Variants in ATP8A2 observed in about 807,000 individuals in gnomAD.
ATP8A2 encodes ATPase phospholipid transporting 8A2, also known as phospholipid-transporting ATPase IB.
ATP8A2 carries 100 observed loss-of-function variants against 165.6 expected under a neutral mutation model. That is an observed-to-expected ratio of 0.60 (90% CI 0.51 to 0.71). ATP8A2 has a LOEUF of 0.71. Among genes scored for constraint, ATP8A2 ranks in the 30% least tolerant of loss-of-function variants. ATP8A2 has a pLI of 0.00. For synonymous variants in ATP8A2, 543 were observed against 548.8 expected (o/e 0.99, Z 0.15); for missense variants, 1,227 against 1,479.5 (o/e 0.83, Z 2.80).
At chr13:25,531,444 A>ATTATATATATGATTATATATATG (rs1566230706) in intron 4 of ATP8A2, among the ~76,000 whole-genome samples, 10 of 45,722 alleles carry the variant, frequency 2.2e-4, no homozygotes, top group African/African-American at 6.5e-4. Context: ...TATATATATG[A>ATTATATATATGATTATATATATG]TTATATATAT....
intron 1 of ATP8A2, among the ~76,000 whole-genome samples, chr13:25,389,611 A>G (rs1593241830): frequency 6.6e-6 from 1 of 152,230 alleles, no homozygotes; most frequent in Non-Finnish European, 1.5e-5. Flanking sequence ...ATCAAATTCA[A>G]CTTTGGATTG....
chr13:25,565,614 A>C (rs539615938), intron 16 of ATP8A2, among the ~76,000 whole-genome samples: 1 of 152,190 alleles, frequency 6.6e-6, no homozygotes, highest in Non-Finnish European at 1.5e-5. Context: ...AGTTTGTTGT[A>C]GTTTCTGGAT....
chr13:25,908,248 CGT>C (rs1460680826), intron 33 of ATP8A2, among the ~76,000 whole-genome samples: 2 of 152,024 alleles, frequency 1.3e-5, no homozygotes, highest in East Asian at 3.9e-4. Context: ...CAGTAGTTAC[CGT>C]AAGTCAGCAG....
At chr13:25,540,616 G>A (rs757834363) in intron 8 of ATP8A2, among the ~76,000 whole-genome samples, 10 of 152,194 alleles carry the variant, frequency 6.6e-5, no homozygotes, top group East Asian at 3.9e-4. Flanking sequence ...TTCATATAGC[G>A]TCTTATTGAG....
At chr13:25,791,521 G>A (rs1453729477) in intron 27 of ATP8A2, among the ~76,000 whole-genome samples, 2 of 127,444 alleles carry the variant, frequency 1.6e-5, no homozygotes, top group Non-Finnish European at 3.2e-5. Context: ...ATGTATCCCC[G>A]AACTTAAACA....
intron 24 of ATP8A2, among the ~76,000 whole-genome samples, chr13:25,688,471 T>C (rs1170250544): frequency 3.9e-5 from 6 of 152,218 alleles, no homozygotes; most frequent in Non-Finnish European, 4.4e-5. Context: ...AAATGAGATG[T>C]TTTCTACATT....
rs990198584 is a variant in ATP8A2 at position 25,987,060 on chromosome 13, A to G, written c.3377+18381A>G. ...ATAATATGTAAATAATTAATTTTAA[A>G]CATTCAGCTCATTCTTTAAAAAACT... On this transcript the variant is annotated intron_variant, in intron 35 of 36. Transcript: ENST00000381655. Among the ~76,000 whole-genome samples, 22 of 152,306 alleles carry G rather than the reference A, an allele frequency of 1.4e-4. 1 individual carries two copies. Among genetic ancestry groups the G allele is most frequent in the African/African-American group, 5.1e-4 (21 of 41,578 alleles).
chr13:25,995,853 C>A lies in ATP8A2; in HGVS notation c.3378-16678C>A, dbSNP rs138034045. 5.0e-3 allele frequency among the ~76,000 whole-genome samples: 755 copies of A among 152,172 alleles called. 7 individuals are homozygous for A. Among genetic ancestry groups the A allele is most frequent in the African/African-American group, 0.017 (712 of 41,528 alleles). ...TTGATGATTTTCCATTTGTACTATC[C>A]ATTGTTGAATGAGGGATATTGAAAA... On this transcript the variant is annotated intron_variant, in intron 35 of 36. Coordinates refer to ENST00000381655, the MANE Select transcript of ATP8A2 (RefSeq NM_016529.6).
chr13:25,494,295 G>T (rs1007867392), intron 2 of ATP8A2, among the ~76,000 whole-genome samples: 6 of 152,174 alleles, frequency 3.9e-5, no homozygotes, highest in African/African-American at 1.4e-4. Context: ...AGATCAGTCT[G>T]GGTCTGCTGC....
intron 5 of ATP8A2, 34 bp downstream of exon 5, chr13:25,532,351 G>A (rs1167965613): frequency 1.3e-6 from 2 of 1,524,900 alleles, no homozygotes; most frequent in Non-Finnish European, 1.8e-6. Flanking sequence ...TTTTCCACTG[G>A]AAAACTTAAG....
intron 27 of ATP8A2, among the ~76,000 whole-genome samples, chr13:25,801,066 G>A (rs1253610155): frequency 1.3e-5 from 2 of 152,028 alleles, no homozygotes; most frequent in Non-Finnish European, 2.9e-5. Context: ...GGAAAACATC[G>A]GGTTATTGTC....
intron 2 of ATP8A2, among the ~76,000 whole-genome samples, chr13:25,484,728 G>A (rs896642506): frequency 1.9e-4 from 29 of 151,990 alleles, no homozygotes; most frequent in Non-Finnish European, 2.8e-4. Flanking sequence ...TGTTGGCCAG[G>A]CTAGCCTCGA....
chr13:25,483,808 A>G (rs2036276348), intron 2 of ATP8A2, among the ~76,000 whole-genome samples: 1 of 152,248 alleles, frequency 6.6e-6, no homozygotes, highest in African/African-American at 2.4e-5. Context: ...AGACTCACAC[A>G]GAGTTGCTCA....
chr13:25,700,739 T>C (rs1023133659), intron 25 of ATP8A2, among the ~76,000 whole-genome samples: 11 of 152,182 alleles, frequency 7.2e-5, no homozygotes, highest in Non-Finnish European at 1.3e-4. Context: ...AGTTGCTGGG[T>C]CATGCAGTAA....
At chr13:25,444,757 T>C (rs2035026034) in intron 1 of ATP8A2, among the ~76,000 whole-genome samples, 1 of 152,136 alleles carries the variant, frequency 6.6e-6, no homozygotes, top group Admixed American at 6.5e-5. Context: ...GCAATTCTCC[T>C]GTCTCAGCCT....
At chr13:25,773,566 C>T (rs2044674022) in intron 26 of ATP8A2, among the ~76,000 whole-genome samples, 1 of 152,200 alleles carries the variant, frequency 6.6e-6, no homozygotes, top group Admixed American at 6.5e-5. Flanking sequence ...CAGGAGCCAT[C>T]ACATCACTCC....
chr13:25,578,373 A>C (rs2039676491), intron 20 of ATP8A2, among the ~76,000 whole-genome samples: 1 of 152,182 alleles, frequency 6.6e-6, no homozygotes, highest in Non-Finnish European at 1.5e-5. Context: ...GGCAGAACTG[A>C]GTTCAGCGCC....
chr13:25,731,203 AAGAG>A (rs1359552063), intron 25 of ATP8A2, among the ~76,000 whole-genome samples: 3 of 150,882 alleles, frequency 2.0e-5, no homozygotes, highest in Non-Finnish European at 4.4e-5. Flanking sequence ...AGGAGAGAGA[AAGAG>A]AGAAAGAGAA....
intron 35 of ATP8A2, among the ~76,000 whole-genome samples, chr13:26,005,356 G>C (rs865780157): frequency 8.6e-5 from 13 of 151,932 alleles, no homozygotes; most frequent in Admixed American, 7.2e-4. Context: ...AGTCTAGCTA[G>C]GAGTTTGTAG....
Sources: allele counts gnomAD v4.1 joint callset (sites outside exome capture counted in the v4.1 genomes callset), GRCh38; gene constraint gnomAD v4.1.1; transcripts MANE v1.5; gene names NCBI Gene and HGNC (gene_info 2026-07-23, HGNC 2026-07-21).